The following SCN7A variants were observed in gnomAD, a reference collection of about 807,000 sequenced individuals.
The protein encoded by SCN7A is sodium channel protein type 7 subunit alpha.
A neutral mutation model predicts 155.2 loss-of-function variants in SCN7A; 138 were observed. That is an observed-to-expected ratio of 0.89 (90% CI 0.77 to 1.02). The LOEUF is 1.02. Among genes scored for constraint, SCN7A ranks in the 50% least tolerant of loss-of-function variants. The pLI is 0.00. For synonymous variants in SCN7A, 693 were observed against 649.0 expected, an observed-to-expected ratio of 1.07 and a Z score of -1.03; for missense variants, 2,058 against 1,986.6, an observed-to-expected ratio of 1.04 and a Z score of -0.68.
chr2:166,467,973 T>C (rs964631149), intron 7 of SCN7A, among the ~76,000 whole-genome samples: 3 of 151,986 alleles, frequency 2.0e-5, no homozygotes, highest in Admixed American at 6.6e-5. Context: ...TGTCTATTTT[T>C]TCCTTTATTA....
chr2:166,406,355 A>G lies in SCN7A; in HGVS notation c.4274T>C (p.Leu1425Pro). The change falls in exon 26 of 26, where the codon CTC becomes CCC. Residue 1425 changes from leucine (L) to proline (P), a missense_variant. Transcript: ENST00000643258. ...AAATATTGCAACTTGAAAAAGACAG[A>G]GCATACTGTTGCCAAAGGTTTCAAA... Reference protein sequence around the residue: ...SNFETFGNSMLCLFQVAIFAG... With the variant: ...SNFETFGNSMPCLFQVAIFAG... 6.2e-7 allele frequency: 1 copy of G among 1,613,186 alleles called. No individual in the cohort carries two copies. Among genetic ancestry groups the G allele is most frequent in the Non-Finnish European group, 8.5e-7 (1 of 1,179,406 alleles).
rs770940365 is a variant in SCN7A, at chr2:166,432,628, T to C, written c.2282A>G (p.Tyr761Cys). The change falls in exon 16 of 26, where the codon TAT becomes TGT. Residue 761 changes from tyrosine (Y) to cysteine (C), a missense_variant. Physicochemically the swap from Tyr to Cys is radical, Grantham distance 194 (BLOSUM62 -2). Transcript: ENST00000643258. The stretch of plus-strand genomic sequence containing the variant: ...TTTGCATAGTATTTTAAGAAGCACA[T>C]AGTTTATTCCTTTTTTAATTCTTGC... ...AVARIKKGINYVLLKILCKTQ... is the reference protein window; with the variant it reads ...AVARIKKGINCVLLKILCKTQ... The C allele has an allele frequency of 2.5e-6, 4 of 1,612,178 alleles. No homozygotes were observed. Among genetic ancestry groups the C allele is most frequent in the Admixed American group, 1.7e-5 (1 of 59,722 alleles).
intron 15 of SCN7A, among the ~76,000 whole-genome samples, chr2:166,438,425 G>C (rs1401009100): frequency 6.6e-6 from 1 of 152,116 alleles, no homozygotes; most frequent in Non-Finnish European, 1.5e-5. Context: ...AGCAGCATGA[G>C]AGTGGACTAA....
intron 20 of SCN7A, 137 bp from the exon 21 acceptor site, chr2:166,417,122 A>G: frequency 4.6e-6 from 3 of 657,322 alleles, no homozygotes; most frequent in Non-Finnish European, 7.7e-6. Context: ...AAGATTTAAC[A>G]GCCCACATGC....
chr2:166,457,631 G>A (rs1303822580), intron 10 of SCN7A, among the ~76,000 whole-genome samples: 1 of 152,106 alleles, frequency 6.6e-6, no homozygotes, highest in Admixed American at 6.6e-5. Flanking sequence ...CAAGCTACAT[G>A]GGGAAGTCAA....
chr2:166,488,098 T>A (rs958523465), intron 1 of SCN7A, among the ~76,000 whole-genome samples: 4 of 152,234 alleles, frequency 2.6e-5, no homozygotes, highest in African/African-American at 9.6e-5. Flanking sequence ...ATCTGTATTG[T>A]TGAGAATGTA....
intron 11 of SCN7A, among the ~76,000 whole-genome samples, chr2:166,452,045 T>G (rs1702187033): frequency 6.6e-6 from 1 of 152,136 alleles, no homozygotes; most frequent in African/African-American, 2.4e-5. Context: ...TAACCAATAC[T>G]CAAATTATAC....
At position 166,441,433 on chromosome 2, in the gene SCN7A, G is replaced by A. The variant is rs1221534737; in HGVS notation, c.2120C>T (p.Pro707Leu). The A allele has an allele frequency of 9.4e-6, 15 of 1,604,218 alleles. No individual in the cohort carries two copies. Among genetic ancestry groups the A allele is most frequent in the Non-Finnish European group, 1.3e-5 (15 of 1,175,850 alleles). Residue 707 changes from proline (P) to leucine (L), a missense_variant, in exon 15 of 26, where the codon CCT (proline) becomes CTT (leucine). Physicochemically the swap from Pro to Leu is moderately conservative, Grantham distance 98. Transcript: ENST00000643258. ...AATTAAAATGACCATCAGGTAAAAA[G>A]GAATACACCAGGATTGGCCTGCAAC... ...MEVAGQSWCIPFYLMVILIGN... is the reference protein window; with the variant it reads ...MEVAGQSWCILFYLMVILIGN...
At chr2:166,422,399 G>A (rs2105392262) in intron 19 of SCN7A, among the ~76,000 whole-genome samples, 1 of 152,214 alleles carries the variant, frequency 6.6e-6, no homozygotes, top group East Asian at 1.9e-4. Context: ...GGGGTATGGA[G>A]ATGAAGAAAG....
intron 20 of SCN7A, among the ~76,000 whole-genome samples, chr2:166,419,757 G>C (rs527997292): frequency 6.6e-6 from 1 of 152,064 alleles, no homozygotes; most frequent in African/African-American, 2.4e-5. Context: ...AAAAGCACTG[G>C]GCAATATCAC....
chr2:166,415,736 G>A (rs1465403050), intron 21 of SCN7A, among the ~76,000 whole-genome samples: 3 of 152,022 alleles, frequency 2.0e-5, no homozygotes, highest in Non-Finnish European at 2.9e-5. Context: ...GAGGATGTAC[G>A]TCACCTCAGG....
rs1395146744 is a variant in SCN7A, at chr2:166,409,941, G to A, written c.3712-6C>T. ...ATGAATCCTTGGAGCTTGTTCTGTG[G>A]GTAAAATCAACAGGTGTAATAGTCT... On this transcript the variant is annotated splice_polypyrimidine_tract_variant and splice_region_variant and intron_variant, in intron 24 of 25. Transcript: ENST00000643258. 1.3e-6 allele frequency: 2 copies of A among 1,551,320 alleles called. No homozygotes were observed.
chr2:166,470,604 C>G lies in SCN7A; in HGVS notation c.664+11G>C. On this transcript the variant is annotated intron_variant, in intron 7 of 25. Transcript: ENST00000643258. ...CAAAATGAAGAAAAGACATTCAATG[C>G]AATTTCTTACCTTGATTTAAAGGAA... The G allele has an allele frequency of 6.3e-7, 1 of 1,588,478 alleles. No individual in the cohort carries two copies. Among genetic ancestry groups the G allele is most frequent in the Admixed American group, 1.7e-5 (1 of 57,836 alleles).
chr2:166,462,155 TC>T, intron 10 of SCN7A: 1 of 301,544 alleles, frequency 3.3e-6, no homozygotes, highest in Non-Finnish European at 6.1e-6. Context: ...TCCTCTCTTC[TC>T]TCTCTCTCTC....
At chr2:166,414,066 A>AT (rs1436553609) in intron 21 of SCN7A, among the ~76,000 whole-genome samples, 17 of 77,376 alleles carry the variant, frequency 2.2e-4, no homozygotes, top group East Asian at 9.0e-4. Context: ...ATAAAAATAT[A>AT]TTATATATGT....
At chr2:166,410,187 T>C (rs183704455) in intron 24 of SCN7A, 33 bp downstream of exon 24, 36 of 1,438,780 alleles carry the variant, frequency 2.5e-5, no homozygotes, top group African/African-American at 1.4e-4. Context: ...AACACCTCCA[T>C]TGAAGTTTCA....
Position 166,443,380 on chromosome 2 carries a change from A to G in SCN7A, c.1800+123T>C, listed in dbSNP as rs1409133079. The G allele has an allele frequency of 7.9e-6, 6 of 757,926 alleles. No individual in the cohort carries two copies. The Admixed American group carries it at 1.3e-4, about 17-fold the overall frequency. 47.0% of individuals were successfully genotyped at this position (757,926 alleles called of 1,614,324 possible). ...CTTGGCAATAAACTCTTTATATACTAATCAATTCATTTAATGCTCCCAATG... is the reference window on the plus strand; with the variant it reads ...CTTGGCAATAAACTCTTTATATACTGATCAATTCATTTAATGCTCCCAATG... On this transcript the variant is annotated intron_variant, in intron 14 of 25. Coordinates refer to ENST00000643258, the MANE Select transcript of SCN7A (RefSeq NM_002976.4).
chr2:166,475,113 T>TATATAC lies in SCN7A; in HGVS notation c.235-770_235-769insGTATAT, dbSNP rs1360823432. Among the ~76,000 whole-genome samples, 1,060 of 123,296 alleles carry TATATAC rather than the reference T, an allele frequency of 8.6e-3. 23 individuals carry two copies. Among genetic ancestry groups the TATATAC allele is most frequent in the African/African-American group, 0.028 (957 of 33,688 alleles). 80.9% of individuals were successfully genotyped at this position (123,296 alleles called of 152,430 possible). On this transcript the variant is annotated intron_variant, in intron 3 of 25. Coordinates refer to ENST00000643258, the MANE Select transcript of SCN7A (RefSeq NM_002976.4). ...ATATACACATATATATGTATATATA[T>TATATAC]ATATATACATATATATATATATATA...
intron 15 of SCN7A, among the ~76,000 whole-genome samples, chr2:166,438,708 T>A (rs1242938779): frequency 6.6e-6 from 1 of 151,894 alleles, no homozygotes; most frequent in Non-Finnish European, 1.5e-5. Flanking sequence ...CTTCAAAGAT[T>A]ATCTCCTTAC....
Sources: allele counts gnomAD v4.1 joint callset (sites outside exome capture counted in the v4.1 genomes callset), GRCh38; gene constraint gnomAD v4.1.1; transcripts MANE v1.5; gene names NCBI Gene and HGNC (gene_info 2026-07-23, HGNC 2026-07-21).